Variants in NCOA2 observed in about 807,000 individuals in gnomAD.
NCOA2 encodes the protein nuclear receptor coactivator 2.
In NCOA2, 21 loss-of-function variants were observed where a neutral mutation model predicts 145.1. The ratio of observed to expected loss-of-function variants is 0.14; its 90% CI spans 0.10 to 0.21. The LOEUF (loss-of-function observed/expected upper bound fraction) is 0.21. NCOA2 is among the 10% of genes least tolerant of loss of function. The pLI, the probability that NCOA2 is intolerant of heterozygous loss-of-function variation, is 1.00. For synonymous variants in NCOA2, 619 were observed against 637.5 expected (o/e 0.97, Z 0.44); for missense variants, 1,472 against 1,837.6 (o/e 0.80, Z 3.64).
At chr8:70,297,825 C>T (rs1233252991) in intron 1 of NCOA2, among the ~76,000 whole-genome samples, 4 of 152,162 alleles carry the variant, frequency 2.6e-5, no homozygotes, top group East Asian at 1.9e-4. Flanking sequence ...TTCGTCTGAT[C>T]CTTCCACTGC....
At chr8:70,420,262 C>T in the NCOA2 span, among the ~76,000 whole-genome samples, 1 of 152,278 alleles carries the variant, frequency 6.6e-6, no homozygotes, top group South Asian at 2.1e-4. Context: ...TTTTACTTTC[C>T]CAACTGGACT....
At chr8:70,177,481 T>G (rs901661570) in intron 4 of NCOA2, among the ~76,000 whole-genome samples, 1 of 152,190 alleles carries the variant, frequency 6.6e-6, no homozygotes, top group East Asian at 1.9e-4. Context: ...CCCAGAAGCA[T>G]GGGAGCAAGT....
At chr8:70,232,496 C>T (rs1052932848) in intron 2 of NCOA2, among the ~76,000 whole-genome samples, 4 of 152,084 alleles carry the variant, frequency 2.6e-5, no homozygotes, top group Non-Finnish European at 2.9e-5. Context: ...AGTAAATACC[C>T]GTTCAATTTG....
intron 1 of NCOA2, among the ~76,000 whole-genome samples, chr8:70,314,685 T>G (rs1253896366): frequency 6.6e-6 from 1 of 152,242 alleles, no homozygotes; most frequent in Non-Finnish European, 1.5e-5. Context: ...GGATTGTTAT[T>G]TAAGCATTCC....
chr8:70,250,957 T>A (rs1011053191), intron 2 of NCOA2, among the ~76,000 whole-genome samples: 5 of 152,220 alleles, frequency 3.3e-5, no homozygotes, highest in African/African-American at 1.2e-4. Context: ...GAAATACATT[T>A]CATAAATAGT....
chr8:70,400,634 T>C (rs1814148277), intron 1 of NCOA2, among the ~76,000 whole-genome samples: 1 of 152,226 alleles, frequency 6.6e-6, no homozygotes, highest in Non-Finnish European at 1.5e-5. Flanking sequence ...TCAGTCTAAG[T>C]GTTTGGTTTA....
rs572424617 is a variant in NCOA2, at chr8:70,131,723, A to C, written c.3324+114T>G. Reference sequence around the variant, plus strand: ...GGGCCAGCCTGTTTTGAGGTAAAAAAAACAACAACAATATATTCTAAAAAG... The same window carrying C: ...GGGCCAGCCTGTTTTGAGGTAAAAACAACAACAACAATATATTCTAAAAAG... On this transcript the variant is annotated intron_variant, in intron 16 of 22. Coordinates refer to ENST00000452400, the MANE Select transcript of NCOA2 (RefSeq NM_006540.4). 281 of 1,173,820 alleles carry C rather than the reference A, an allele frequency of 2.4e-4. 1 individual carries two copies. In the African/African-American group the frequency reaches 3.3e-3, roughly 14 times the overall value. The allele number at this position is 1,173,820 out of a possible 1,614,324, so 72.7% of individuals were successfully genotyped here.
At chr8:70,202,769 C>T (rs1347167750) in intron 4 of NCOA2, among the ~76,000 whole-genome samples, 3 of 152,114 alleles carry the variant, frequency 2.0e-5, no homozygotes, top group Non-Finnish European at 4.4e-5. Context: ...CAACAATGTG[C>T]ATATAGTTAA....
rs1175955215 is a variant in NCOA2 at position 70,321,900 on chromosome 8, G to C, written c.-76-25100C>G. On this transcript the variant is annotated intron_variant, in intron 1 of 22. Coordinates refer to ENST00000452400, the MANE Select transcript of NCOA2 (RefSeq NM_006540.4). ...TCCCAGCACTTTGGGAGGCCCAGGCGGGGGGATCACCTGAGGTCAGGAGTT... is the reference window on the plus strand; with the variant it reads ...TCCCAGCACTTTGGGAGGCCCAGGCCGGGGGATCACCTGAGGTCAGGAGTT... 2.7e-5 allele frequency among the ~76,000 whole-genome samples: 4 copies of C among 148,832 alleles called. No homozygotes were observed. In the East Asian group the frequency reaches 8.1e-4, roughly 30 times the overall value.
chr8:70,312,412 GGTCT>G (rs961218920), intron 1 of NCOA2, among the ~76,000 whole-genome samples: 1 of 151,984 alleles, frequency 6.6e-6, no homozygotes, highest in Non-Finnish European at 1.5e-5. Context: ...GGAAAAAGGG[GGTCT>G]GTATGAAATT....
intron 2 of NCOA2, among the ~76,000 whole-genome samples, chr8:70,244,529 C>T (rs934033761): frequency 6.6e-6 from 1 of 151,822 alleles, no homozygotes; most frequent in Non-Finnish European, 1.5e-5. Flanking sequence ...AAGGCCTCCA[C>T]CAAAAATAAA....
At chr8:70,251,749 T>C (rs1051680994) in intron 2 of NCOA2, among the ~76,000 whole-genome samples, 16 of 152,218 alleles carry the variant, frequency 1.1e-4, no homozygotes, top group African/African-American at 3.6e-4. Context: ...CAAATAAGTC[T>C]CTGACAGTTT....
chr8:70,159,291 C>T (rs1249810272), intron 10 of NCOA2, among the ~76,000 whole-genome samples: 2 of 109,008 alleles, frequency 1.8e-5, no homozygotes, highest in African/African-American at 3.3e-5. Flanking sequence ...TGGTTGACTC[C>T]TGGGATGCAG....
chr8:70,216,641 T>C lies in NCOA2; in HGVS notation c.86+19A>G. The C allele has an allele frequency of 2.5e-6, 4 of 1,588,354 alleles. No homozygotes were observed. Among genetic ancestry groups the C allele is most frequent in the Non-Finnish European group, 3.5e-6 (4 of 1,156,586 alleles). ...CTTTAACAGACAATACTGATTCCTT[T>C]TCTCAGCAAGAATCTAACCTGGGTC... On this transcript the variant is annotated intron_variant, in intron 3 of 22. Transcript: ENST00000452400.
intron 22 of NCOA2, among the ~76,000 whole-genome samples, chr8:70,117,215 C>A (rs1401799484): frequency 6.6e-6 from 1 of 152,240 alleles, no homozygotes; most frequent in Non-Finnish European, 1.5e-5. Flanking sequence ...ACCCCTAAAC[C>A]CCCAGCCGGG....
At chr8:70,389,487 T>A (rs1812988360) in intron 1 of NCOA2, among the ~76,000 whole-genome samples, 1 of 151,486 alleles carries the variant, frequency 6.6e-6, no homozygotes, top group South Asian at 2.1e-4. Context: ...TCCATGTTGG[T>A]CAGGCTGGTC....
At chr8:70,443,617 C>T in the NCOA2 span, among the ~76,000 whole-genome samples, 1 of 152,010 alleles carries the variant, frequency 6.6e-6, no homozygotes, top group Non-Finnish European at 1.5e-5. Flanking sequence ...CTGGAGTGCA[C>T]TGGCATGATC....
At chr8:70,243,489 T>C (rs17676498) in intron 2 of NCOA2, among the ~76,000 whole-genome samples, 3,518 of 152,184 alleles carry the variant, frequency 0.023, 70 homozygotes, top group Non-Finnish European at 0.031. Context: ...CCATATTGTT[T>C]CATACAGTGG....
At chr8:70,170,071 A>T in intron 6 of NCOA2, 131 bp downstream of exon 6, 1 of 859,666 alleles carries the variant, frequency 1.2e-6, no homozygotes, top group Non-Finnish European at 1.8e-6. Context: ...GTAAAAAACT[A>T]CCCAGTCACT....
Sources: gnomAD v4.1 joint callset for allele counts (sites outside exome capture counted in the v4.1 genomes callset) on GRCh38, gnomAD v4.1.1 for gene constraint, MANE v1.5 for transcripts, NCBI Gene and HGNC (gene_info 2026-07-23, HGNC 2026-07-21) for gene names.